CRIPTO: variants seen among roughly 807,000 people sequenced by gnomAD.
The protein encoded by CRIPTO is cripto, EGF-CFC family member, also known as protein Cripto.
chr3:46,579,187 A>T, the CRIPTO span: 2 of 1,614,054 alleles, frequency 1.2e-6, no homozygotes, highest in Non-Finnish European at 1.7e-6. Context: ...CTCAATTTTT[A>T]TGTGGCCTAA....
chr3:46,574,655 C>G, the CRIPTO span: 1 of 152,186 alleles, frequency 6.6e-6, no homozygotes, highest in Non-Finnish European at 1.5e-5. Context: ...GCAGACATGG[C>G]ATTCTTTTGT....
chr3:46,578,990 T>C, the CRIPTO span: 1 of 1,269,392 alleles, frequency 7.9e-7, no homozygotes, highest in Non-Finnish European at 1.1e-6. Context: ...CAATTTCTTT[T>C]CAGTGATCTG....
the CRIPTO span, chr3:46,581,595 C>T: frequency 1.1e-5 from 6 of 564,758 alleles, no homozygotes; most frequent in South Asian, 2.4e-5. Context: ...CTGCAACCTC[C>T]GCATCCGGGG....
At chr3:46,579,954 C>G in the CRIPTO span, 2 of 1,614,222 alleles carry the variant, frequency 1.2e-6, no homozygotes, top group Non-Finnish European at 8.5e-7. Context: ...TTCTCAGGAA[C>G]TGTGGGTCTG....
At chr3:46,579,919 C>A in the CRIPTO span, 2 of 1,614,038 alleles carry the variant, frequency 1.2e-6, no homozygotes, top group African/African-American at 2.7e-5. Flanking sequence ...AATTTCAGAC[C>A]CAAGGCTATC....
chr3:46,578,061 G>C, the CRIPTO span: 2 of 1,573,786 alleles, frequency 1.3e-6, no homozygotes, highest in Non-Finnish European at 1.7e-6. Context: ...GCCAGCTTAG[G>C]AAGTAATGTT....
the CRIPTO span, chr3:46,579,976 A>G: frequency 6.2e-7 from 1 of 1,614,204 alleles, no homozygotes; most frequent in Non-Finnish European, 8.5e-7. Flanking sequence ...GCCCCATGAC[A>G]CCTGGCTGCC....
the CRIPTO span, among the ~76,000 whole-genome samples, chr3:46,578,219 C>T: frequency 6.6e-6 from 1 of 152,128 alleles, no homozygotes; most frequent in African/African-American, 2.4e-5. Context: ...TGTTAATTTT[C>T]ATTTTATGTT....
At chr3:46,580,113 T>C in the CRIPTO span, 15 of 1,612,920 alleles carry the variant, frequency 9.3e-6, no homozygotes, top group Admixed American at 5.0e-5. Flanking sequence ...GTAGTTGCCT[T>C]GGGGGGTGCT....
At chr3:46,580,889 T>G in the CRIPTO span, among the ~76,000 whole-genome samples, 1 of 152,282 alleles carries the variant, frequency 6.6e-6, no homozygotes, top group South Asian at 2.1e-4. Context: ...GTTTGATAAG[T>G]GTGGGTTGGG....
chr3:46,576,480 CAAAAAAAAAAAAAAA>C, the CRIPTO span, among the ~76,000 whole-genome samples: 2 of 55,054 alleles, frequency 3.6e-5, no homozygotes, highest in African/African-American at 1.9e-4. Flanking sequence ...GACTCTGTCG[CAAAAAAAAAAAAAAA>C]AAAAAAAAAA....
the CRIPTO span, chr3:46,579,298 G>A: frequency 1.2e-6 from 2 of 1,614,166 alleles, no homozygotes; most frequent in Admixed American, 1.7e-5. Flanking sequence ...GACAGCATTT[G>A]GCCCCAGGAG....
the CRIPTO span, among the ~76,000 whole-genome samples, chr3:46,576,824 C>T: frequency 6.6e-6 from 1 of 152,068 alleles, no homozygotes; most frequent in Non-Finnish European, 1.5e-5. Flanking sequence ...GAGGCGACTC[C>T]GGCTCATAGA....
At chr3:46,580,118 G>C in the CRIPTO span, 4 of 1,611,652 alleles carry the variant, frequency 2.5e-6, no homozygotes, top group Non-Finnish European at 2.5e-6. Flanking sequence ...TGCCTTGGGG[G>C]GTGCTTAGTT....
At chr3:46,579,418 T>C in the CRIPTO span, 1 of 1,613,764 alleles carries the variant, frequency 6.2e-7, no homozygotes, top group African/African-American at 1.3e-5. Flanking sequence ...ATGTGTCTCC[T>C]GAGTATCTTT....
chr3:46,576,757 C>A, the CRIPTO span, among the ~76,000 whole-genome samples: 1 of 152,280 alleles, frequency 6.6e-6, no homozygotes, highest in South Asian at 2.1e-4. Flanking sequence ...AAACTATTAA[C>A]GACTTTGGGC....
the CRIPTO span, chr3:46,579,765 C>T: frequency 6.2e-7 from 1 of 1,612,922 alleles, no homozygotes. Flanking sequence ...AACCTGCTGC[C>T]TGAATGGGGG....
the CRIPTO span, chr3:46,581,786 C>T: frequency 3.2e-4 from 90 of 281,458 alleles, no homozygotes; most frequent in Middle Eastern, 1.1e-3. Context: ...GCTGAGATTA[C>T]ACACGTGAGC....
chr3:46,580,127 T>C, the CRIPTO span: 1 of 1,605,644 alleles, frequency 6.2e-7, no homozygotes, highest in Non-Finnish European at 8.5e-7. Context: ...GGGTGCTTAG[T>C]TAGCAGGCTC....
Sources: allele counts gnomAD v4.1 joint callset (sites outside exome capture counted in the v4.1 genomes callset), GRCh38; gene constraint gnomAD v4.1.1; transcripts MANE v1.5; gene names NCBI Gene and HGNC (gene_info 2026-07-23, HGNC 2026-07-21).